The following RBFOX2 variants were observed in gnomAD, a reference collection of about 807,000 sequenced individuals.
The protein encoded by RBFOX2 is RNA binding fox-1 homolog 2.
A neutral mutation model predicts 49.1 loss-of-function variants in RBFOX2; 10 were observed. The observed-to-expected ratio is 0.20, with a 90% confidence interval of 0.13 to 0.35. The LOEUF (loss-of-function observed/expected upper bound fraction) is 0.35. RBFOX2 is among the 10% of genes least tolerant of loss of function. The probability of loss-of-function intolerance (pLI) is 1.00; values close to 1 mark genes in which losing one functional copy is unlikely to be tolerated. For missense variants in RBFOX2, 323 were observed against 486.9 expected (o/e 0.66, Z 3.17); for synonymous variants, 183 against 187.4 (o/e 0.98, Z 0.19).
At chr22:35,908,695 T>C (rs1301896482) in intron 1 of RBFOX2, among the ~76,000 whole-genome samples, 3 of 152,126 alleles carry the variant, frequency 2.0e-5, no homozygotes, top group African/African-American at 7.2e-5. Flanking sequence ...ATTGTTATCA[T>C]TACAATTACC....
chr22:35,876,155 G>A (rs2045051927), intron 1 of RBFOX2, among the ~76,000 whole-genome samples: 1 of 152,178 alleles, frequency 6.6e-6, no homozygotes, highest in Non-Finnish European at 1.5e-5. Context: ...GGCTAAATAT[G>A]TACTAGAAAA....
At chr22:35,878,794 G>A (rs896685597) in intron 1 of RBFOX2, among the ~76,000 whole-genome samples, 7 of 152,004 alleles carry the variant, frequency 4.6e-5, no homozygotes, top group Non-Finnish European at 7.4e-5. Flanking sequence ...GCAGAGGCAC[G>A]ATCTCAGCTC....
chr22:35,995,279 C>T (rs766330560), intron 1 of RBFOX2: 2 of 152,062 alleles, frequency 1.3e-5, no homozygotes, highest in Non-Finnish European at 2.9e-5. Context: ...CAGTTTGTTC[C>T]GAATAAGAAG....
At chr22:35,944,588 A>G (rs2054064473) in intron 1 of RBFOX2, among the ~76,000 whole-genome samples, 2 of 152,226 alleles carry the variant, frequency 1.3e-5, no homozygotes, top group African/African-American at 4.8e-5. Context: ...TACTTGTGAT[A>G]TAATATACTA....
chr22:35,924,318 G>A (rs556261530), intron 1 of RBFOX2, among the ~76,000 whole-genome samples: 1 of 152,278 alleles, frequency 6.6e-6, no homozygotes, highest in East Asian at 1.9e-4. Context: ...TGATCCACAC[G>A]ACACCACAAA....
intron 1 of RBFOX2, among the ~76,000 whole-genome samples, chr22:35,889,498 G>A (rs939196787): frequency 2.0e-5 from 3 of 151,948 alleles, no homozygotes; most frequent in East Asian, 1.9e-4. Context: ...ATACAGTTCC[G>A]CTTCCCTCCA....
intron 1 of RBFOX2, among the ~76,000 whole-genome samples, chr22:35,967,693 A>T (rs1488763596): frequency 6.6e-6 from 1 of 152,216 alleles, no homozygotes; most frequent in African/African-American, 2.4e-5. Context: ...CCCAAAAATA[A>T]TAAATAACCC....
At chr22:35,890,280 C>A (rs900709400) in intron 1 of RBFOX2, among the ~76,000 whole-genome samples, 2 of 152,126 alleles carry the variant, frequency 1.3e-5, no homozygotes, top group African/African-American at 4.8e-5. Context: ...AATGCTAGTA[C>A]AGGTAGTGTC....
At chr22:35,820,738 T>C (rs1291134185) in intron 1 of RBFOX2, among the ~76,000 whole-genome samples, 2 of 152,188 alleles carry the variant, frequency 1.3e-5, no homozygotes, top group Admixed American at 6.5e-5. Context: ...CAGTAGAGTA[T>C]ATAAGCAAAC....
intron 2 of RBFOX2, among the ~76,000 whole-genome samples, chr22:35,801,682 G>A (rs970181828): frequency 2.6e-5 from 4 of 151,976 alleles, no homozygotes; most frequent in Non-Finnish European, 4.4e-5. Context: ...GAAATTAGCT[G>A]GGCATAGTGG....
chr22:35,949,916 A>T (rs2054724666), intron 1 of RBFOX2, among the ~76,000 whole-genome samples: 1 of 152,066 alleles, frequency 6.6e-6, no homozygotes, highest in South Asian at 2.1e-4. Context: ...TTTAATTTTG[A>T]TAAAGTCTAA....
intron 1 of RBFOX2, among the ~76,000 whole-genome samples, chr22:35,991,336 T>A (rs904429189): frequency 2.6e-5 from 4 of 152,166 alleles, no homozygotes; most frequent in African/African-American, 9.7e-5. Context: ...CAGTTAGGCC[T>A]GACAACAGAG....
exon 1 of RBFOX2, chr22:35,840,349 G>A (rs1958523145): frequency 2.6e-6 from 4 of 1,544,022 alleles, no homozygotes; most frequent in Non-Finnish European, 3.5e-6. Context: ...TCTTTATACC[G>A]TTTTCCTTCC....
At chr22:35,955,730 G>A (rs1052583871) in intron 1 of RBFOX2, among the ~76,000 whole-genome samples, 2 of 152,126 alleles carry the variant, frequency 1.3e-5, no homozygotes, top group African/African-American at 4.8e-5. Flanking sequence ...AGTGCTTGCT[G>A]CTCACCTCCT....
chr22:35,970,481 C>CA (rs745706842), intron 1 of RBFOX2, among the ~76,000 whole-genome samples: 11,845 of 115,692 alleles, frequency 0.1, 505 homozygotes, highest in African/African-American at 0.14. Context: ...AGACCCATCT[C>CA]AAAAAAAAAA....
intron 2 of RBFOX2, among the ~76,000 whole-genome samples, chr22:35,788,121 T>A (rs1946800644): frequency 6.6e-6 from 1 of 152,226 alleles, no homozygotes; most frequent in South Asian, 2.1e-4. Flanking sequence ...TGACTTCAAA[T>A]TTTTAAAATA....
intron 1 of RBFOX2, among the ~76,000 whole-genome samples, chr22:35,969,261 C>T (rs987997726): frequency 2.0e-5 from 3 of 151,988 alleles, no homozygotes; most frequent in Admixed American, 6.6e-5. Flanking sequence ...ATAAAAATTT[C>T]CATTAATTAA....
At chr22:36,017,741 T>C (rs541208244) in intron 1 of RBFOX2, among the ~76,000 whole-genome samples, 1 of 152,300 alleles carries the variant, frequency 6.6e-6, no homozygotes, top group South Asian at 2.1e-4. Context: ...TGGCTCTAAT[T>C]GCCTCTCTCA....
At chr22:35,867,768 T>A (rs532309775) in intron 1 of RBFOX2, among the ~76,000 whole-genome samples, 16 of 152,332 alleles carry the variant, frequency 1.1e-4, no homozygotes, top group Admixed American at 5.2e-4. Flanking sequence ...AAAATTTTTT[T>A]AAATTTTTTC....
Sources: allele counts gnomAD v4.1 joint callset (sites outside exome capture counted in the v4.1 genomes callset), GRCh38; gene constraint gnomAD v4.1.1; transcripts MANE v1.5; gene names NCBI Gene and HGNC (gene_info 2026-07-23, HGNC 2026-07-21).